The following MANSC1 variants were observed in gnomAD, a reference collection of about 807,000 sequenced individuals.
MANSC1 encodes MANSC domain-containing protein 1.
In MANSC1, 13 loss-of-function variants were observed where a neutral mutation model predicts 14.1. The ratio of observed to expected loss-of-function variants is 0.92; its 90% CI spans 0.60 to 1.46. The LOEUF is 1.46. Among genes scored for constraint, MANSC1 ranks in the 40% most tolerant of loss-of-function variants. MANSC1 has a pLI of 0.00. For missense variants in MANSC1, 486 were observed against 511.4 expected (o/e 0.95, Z 0.48); for synonymous variants, 227 against 200.7 (o/e 1.13, Z -1.11).
At position 12,342,941 on chromosome 12, in the gene MANSC1, A is replaced by C. The variant is rs988077405; in HGVS notation, c.223+151T>G. 4.8e-6 allele frequency: 3 copies of C among 620,268 alleles called. No homozygotes were observed. In the Admixed American group the frequency reaches 8.3e-5, roughly 17 times the overall value. The allele number at this position is 620,268 out of a possible 1,614,324, so 38.4% of individuals were successfully genotyped here. A position where few individuals can be genotyped will look rare whatever the true frequency, so the allele number is the denominator to read the frequency against. ...ACTTTGACTCAGCTTAGGAGAGGGG[A>C]GGGCACACTTGTAGAAAATTCTCCA... On this transcript the variant is annotated intron_variant, in intron 2 of 3. Transcript: ENST00000535902.
intron 1 of MANSC1, 59 bp from the exon 2 acceptor site, chr12:12,343,473 A>C (rs1394591762): frequency 1.7e-6 from 1 of 582,878 alleles, no homozygotes; most frequent in Non-Finnish European, 3.0e-6. Flanking sequence ...CAAGGGAAGA[A>C]ACATTTCATT....
chr12:12,335,168 T>C (rs991218055), intron 3 of MANSC1, among the ~76,000 whole-genome samples: 2 of 152,036 alleles, frequency 1.3e-5, no homozygotes, highest in East Asian at 3.9e-4. Context: ...TCCTGTCAAC[T>C]CTACTTCGGA....
chr12:12,336,950 G>C (rs1327667145), intron 3 of MANSC1, among the ~76,000 whole-genome samples: 4 of 152,110 alleles, frequency 2.6e-5, no homozygotes, highest in African/African-American at 4.8e-5. Context: ...TCAAGAGTAT[G>C]ATGATAACTT....
chr12:12,330,226 C>A lies in MANSC1; in HGVS notation c.1097G>T (p.Ser366Ile). The change falls in exon 4 of 4, where the codon AGT becomes ATT. Residue 366 changes from serine (S) to isoleucine (I), a missense_variant. Transcript: ENST00000535902. ...SWEGREASPG[S>I]SSQGSVPENQ... ...TTCTGGAACACTGCCCTGGGAGGAA[C>A]TGCCTGGACTGGCCTCCCTACCTTC... The A allele has an allele frequency of 1.2e-6, 2 of 1,614,186 alleles. No homozygotes were observed. Among genetic ancestry groups the A allele is most frequent in the Non-Finnish European group, 1.7e-6 (2 of 1,180,028 alleles).
intron 1 of MANSC1, among the ~76,000 whole-genome samples, chr12:12,346,289 G>C (rs1179677952): frequency 1.3e-5 from 2 of 151,890 alleles, no homozygotes; most frequent in African/African-American, 2.4e-5. Context: ...AAAGGTATCA[G>C]TGCTTCCCAA....
Position 12,329,783 on chromosome 12 carries a change from C to T in MANSC1, c.*244G>A. 1 of 429,774 alleles carries T rather than the reference C, an allele frequency of 2.3e-6. No individual in the cohort carries two copies. Among genetic ancestry groups the T allele is most frequent in the Non-Finnish European group, 4.1e-6 (1 of 241,286 alleles). The allele number at this position is 429,774 out of a possible 1,614,324, so 26.6% of individuals were successfully genotyped here. ...CCTGTAATCCCAGATACTTAGGAGG[C>T]TGAGGCAGGAGAATCGCTTGAACCC... On this transcript the variant is annotated 3_prime_UTR_variant, in exon 4 of 4. Coordinates refer to ENST00000535902, the MANE Select transcript of MANSC1 (RefSeq NM_018050.4).
intron 3 of MANSC1, 33 bp downstream of exon 3, chr12:12,338,387 A>G (rs201546987): frequency 2.0e-6 from 3 of 1,533,680 alleles, no homozygotes; most frequent in Non-Finnish European, 2.6e-6. Flanking sequence ...AATTATTCCA[A>G]TCACAAAAGA....
At chr12:12,342,576 GTTTTTTTGTTTTTTTTTTTT>G (rs1371261035) in intron 2 of MANSC1, among the ~76,000 whole-genome samples, 2 of 103,982 alleles carry the variant, frequency 1.9e-5, no homozygotes, top group East Asian at 3.6e-4. Context: ...AGTAGTCAGT[GTTTTTTTGTTTTTTTTTTTT>G]TTTTTTTTTT....
intron 1 of MANSC1, among the ~76,000 whole-genome samples, chr12:12,345,882 T>C (rs1374894965): frequency 6.6e-6 from 1 of 152,228 alleles, no homozygotes; most frequent in African/African-American, 2.4e-5. Flanking sequence ...GATTTTAGAA[T>C]GTCCCTACAA....
At chr12:12,342,777 T>G (rs964563792) in intron 2 of MANSC1, among the ~76,000 whole-genome samples, 1 of 152,146 alleles carries the variant, frequency 6.6e-6, no homozygotes, top group African/African-American at 2.4e-5. Context: ...ATTCCAATAC[T>G]CCATGCTGAT....
In MANSC1 at chr12:12,329,302, G is replaced by C. The variant is rs936134123; in HGVS notation, c.*725C>G. On this transcript the variant is annotated 3_prime_UTR_variant, in exon 4 of 4. Transcript: ENST00000535902. ...ATTTATTCAAATATTTAATTGGAAG[G>C]AACTACATCTGGAATAAGTTTTAAA... is the stretch of plus-strand genomic sequence containing the variant. 6.6e-6 allele frequency: 1 copy of C among 152,094 alleles called. No homozygotes were observed. Among genetic ancestry groups the C allele is most frequent in the Non-Finnish European group, 1.5e-5 (1 of 68,020 alleles). The allele number at this position is 152,094 out of a possible 1,614,324, so 9.4% of individuals were successfully genotyped here.
Position 12,329,952 on chromosome 12 carries a change from C to A in MANSC1, c.*75G>T. The A allele has an allele frequency of 1.6e-6, 2 of 1,257,338 alleles. No individual in the cohort carries two copies. The highest frequency in any genetic ancestry group is 2.2e-6 in the Non-Finnish European group (2 of 899,950). 77.9% of individuals were successfully genotyped at this position (1,257,338 alleles called of 1,614,324 possible). On this transcript the variant is annotated 3_prime_UTR_variant, in exon 4 of 4. Coordinates refer to ENST00000535902, the MANE Select transcript of MANSC1 (RefSeq NM_018050.4). ...TTCAAAATACAACCTCCTGCTAAGA[C>A]TAGCAAGTCAGCAGAAACTCATTGC...
At chr12:12,339,923 C>T (rs1278786505) in intron 2 of MANSC1, among the ~76,000 whole-genome samples, 6 of 152,098 alleles carry the variant, frequency 3.9e-5, no homozygotes. Context: ...AACAATCCTC[C>T]CACCTCAGCC....
chr12:12,330,067 C>G lies in MANSC1; in HGVS notation c.1256G>C (p.Arg419Thr), dbSNP rs770611410. The G allele has an allele frequency of 2.5e-6, 4 of 1,614,156 alleles. No homozygotes were observed. In the Admixed American group the frequency reaches 6.7e-5, roughly 27 times the overall value. Residue 419 changes from arginine (R) to threonine (T), a missense_variant, in exon 4 of 4, where the codon AGA (arginine) becomes ACA (threonine). Arg to Thr is a moderately conservative substitution (Grantham distance 71). Coordinates refer to ENST00000535902, the MANE Select transcript of MANSC1 (RefSeq NM_018050.4). Reference protein sequence around the residue: ...SESLRRKRYSRLDYLINGIYV... With the variant: ...SESLRRKRYSTLDYLINGIYV... ...GATCCCATTGATCAAATAATCCAGT[C>G]TTGAGTAACGTTTCCTGCGGAGTGA...
chr12:12,330,231 T>C lies in MANSC1; in HGVS notation c.1092A>G (p.Pro364=), dbSNP rs1862764409. Residue 364 remains proline, a synonymous_variant, in exon 4 of 4, where the codon CCA becomes CCG. Coordinates refer to ENST00000535902, the MANE Select transcript of MANSC1 (RefSeq NM_018050.4). ...TASWEGREAS[P]GSSSQGSVPE... is the part of the protein sequence containing the mutation. Reference sequence around the variant, plus strand: ...GAACACTGCCCTGGGAGGAACTGCCTGGACTGGCCTCCCTACCTTCCCAGG... The same window carrying C: ...GAACACTGCCCTGGGAGGAACTGCCCGGACTGGCCTCCCTACCTTCCCAGG... The C allele has an allele frequency of 6.2e-7, 1 of 1,614,184 alleles. No homozygotes were observed. The highest frequency in any genetic ancestry group is 8.5e-7 in the Non-Finnish European group (1 of 1,180,024).
rs1016827130 is a variant in MANSC1, at chr12:12,328,478, G to C, written c.*1549C>G. ...TCACCGTGTTAGCCAGGATGGTCTC[G>C]ATCTCCTGACCTCGTGATTTGCCCA... is the stretch of plus-strand genomic sequence containing the variant. On this transcript the variant is annotated 3_prime_UTR_variant, in exon 4 of 4. Coordinates refer to ENST00000535902, the MANE Select transcript of MANSC1 (RefSeq NM_018050.4). 1 of 150,804 alleles carries C rather than the reference G, an allele frequency of 6.6e-6. No individual in the cohort carries two copies. The highest frequency in any genetic ancestry group is 2.4e-5 in the African/African-American group (1 of 40,988). The allele number at this position is 150,804 out of a possible 1,614,324, so 9.3% of individuals were successfully genotyped here.
chr12:12,336,688 G>A (rs770430272), intron 3 of MANSC1, among the ~76,000 whole-genome samples: 3 of 151,862 alleles, frequency 2.0e-5, no homozygotes, highest in East Asian at 1.9e-4. Context: ...CACCATGCCC[G>A]GCTAATTTTT....
intron 3 of MANSC1, 52 bp from the exon 4 acceptor site, chr12:12,331,010 T>C (rs775756975): frequency 1.1e-5 from 13 of 1,151,136 alleles, no homozygotes; most frequent in Non-Finnish European, 1.6e-5. Context: ...CATGCTACGG[T>C]AGGTTAAAAA....
intron 3 of MANSC1, among the ~76,000 whole-genome samples, chr12:12,331,523 C>A (rs1039821734): frequency 1.3e-5 from 2 of 152,042 alleles, no homozygotes; most frequent in Non-Finnish European, 2.9e-5. Flanking sequence ...AGGGAGAATG[C>A]GGGGGAAGGT....
Sources: gnomAD v4.1 joint callset for allele counts (sites outside exome capture counted in the v4.1 genomes callset) on GRCh38, gnomAD v4.1.1 for gene constraint, MANE v1.5 for transcripts, NCBI Gene and HGNC (gene_info 2026-07-23, HGNC 2026-07-21) for gene names.